RRM1: variants seen among roughly 807,000 people sequenced by gnomAD.
The protein encoded by RRM1 is ribonucleotide reductase catalytic subunit M1.
RRM1 carries 19 observed loss-of-function variants against 101.5 expected under a neutral mutation model. The observed-to-expected ratio is 0.19, with a 90% CI of 0.13 to 0.27. The LOEUF is 0.27. Ranked by LOEUF, RRM1 falls within the 10% of genes least tolerant of loss-of-function variation. RRM1 has a pLI of 1.00. For missense variants in RRM1, 500 were observed against 962.9 expected, an observed-to-expected ratio of 0.52 and a Z score of 6.36; for synonymous variants, 298 against 323.4, an observed-to-expected ratio of 0.92 and a Z score of 0.84.
intron 8 of RRM1, 34 bp downstream of exon 8, chr11:4,118,495 T>C: frequency 6.2e-7 from 1 of 1,612,550 alleles, no homozygotes; most frequent in South Asian, 1.1e-5. Context: ...TAAAGGGGGA[T>C]TCAAGTCTAA....
At chr11:4,102,151 G>A in intron 2 of RRM1, 70 bp downstream of exon 2, 1 of 813,176 alleles carries the variant, frequency 1.2e-6, no homozygotes, top group South Asian at 1.5e-5. Flanking sequence ...TCTTATCCCT[G>A]GACCTTCATT....
In RRM1 at chr11:4,118,460, G is replaced by A. The variant is rs2094577003; in HGVS notation, c.791G>A (p.Gly264Glu). Residue 264 changes from glycine to glutamate, a missense_variant and splice_region_variant, in exon 8 of 19, where the codon GGG becomes GAG. Coordinates refer to ENST00000300738, the MANE Select transcript of RRM1 (RefSeq NM_001033.5). ...CIRATGSYIA[G>E]TNGNSNGLVP... ...CGGGCTACTGGCAGCTACATTGCTG[G>A]GGTAGGTTTCTGCCATTTGACTTTT... 1 of 1,613,718 alleles carries A rather than the reference G, an allele frequency of 6.2e-7. No homozygotes were observed. The highest frequency in any genetic ancestry group is 1.3e-5 in the African/African-American group (1 of 74,880).
chr11:4,130,087 T>TATATA (rs869309117), intron 15 of RRM1, among the ~76,000 whole-genome samples: 737 of 61,516 alleles, frequency 0.012, 5 homozygotes, highest in Non-Finnish European at 0.013. Flanking sequence ...TATATATATA[T>TATATA]TTTTTTTTTT....
chr11:4,102,479 G>A (rs1311935399), intron 2 of RRM1, among the ~76,000 whole-genome samples: 1 of 152,086 alleles, frequency 6.6e-6, no homozygotes, highest in Non-Finnish European at 1.5e-5. Context: ...CCAACATGGT[G>A]AAACCCCGTC....
At chr11:4,098,240 T>G (rs1405974766) in intron 1 of RRM1, among the ~76,000 whole-genome samples, 1 of 152,196 alleles carries the variant, frequency 6.6e-6, no homozygotes, top group East Asian at 1.9e-4. Flanking sequence ...CACTCTAATC[T>G]TTCTTTTATT....
Position 4,095,084 on chromosome 11 carries a change from G to A in RRM1, c.19+53G>A, listed in dbSNP as rs1373552035. 3.9e-6 allele frequency: 6 copies of A among 1,545,142 alleles called. No individual in the cohort carries two copies. In the African/African-American group the frequency reaches 8.2e-5, roughly 21 times the overall value. On this transcript the variant is annotated intron_variant, in intron 1 of 18. Transcript: ENST00000300738. ...GGAAGGTGAGGGGATGCGGGCTGCC[G>A]CCGCCGGAGCTGATGCCCAGACCGC...
intron 1 of RRM1, among the ~76,000 whole-genome samples, chr11:4,098,579 G>T (rs1245500209): frequency 6.6e-6 from 1 of 152,150 alleles, no homozygotes; most frequent in Non-Finnish European, 1.5e-5. Flanking sequence ...GACAAATAAA[G>T]AAGTAATATG....
chr11:4,132,386 A>G lies in RRM1; in HGVS notation c.1870A>G (p.Ile624Val). Residue 624 changes from isoleucine (I) to valine (V), a missense_variant, in exon 16 of 19, where the codon ATC becomes GTC. Physicochemically the swap from Ile to Val is conservative, Grantham distance 29. Around this residue, in one of 9 missense-constraint regions of RRM1, gnomAD observed 79 missense variants for 176.4 expected, o/e 0.45. Coordinates refer to ENST00000300738, the MANE Select transcript of RRM1 (RefSeq NM_001033.5). The surrounding 1 kb of genome is among the most constrained non-coding windows in gnomAD (Gnocchi z 4.1). The part of the protein sequence containing the change: ...NESIEPYTSN[I>V]YTRRVLSGEF... Reference sequence around the variant, plus strand: ...GTCCATTGAACCTTACACCAGCAACATCTATACTCGCAGAGTCTTGTCAGG... The same window carrying G: ...GTCCATTGAACCTTACACCAGCAACGTCTATACTCGCAGAGTCTTGTCAGG... The G allele has an allele frequency of 1.2e-6, 2 of 1,614,146 alleles. No individual in the cohort carries two copies. The highest frequency in any genetic ancestry group is 1.1e-5 in the South Asian group (1 of 91,082).
At chr11:4,135,886 T>C (rs1379899657) in intron 18 of RRM1, among the ~76,000 whole-genome samples, 1 of 150,372 alleles carries the variant, frequency 6.7e-6, no homozygotes, top group African/African-American at 2.5e-5. Context: ...ATCTAGTATG[T>C]GCCAGGACTG....
At chr11:4,130,469 G>A (rs1280999436) in intron 15 of RRM1, among the ~76,000 whole-genome samples, 3 of 152,096 alleles carry the variant, frequency 2.0e-5, no homozygotes, top group African/African-American at 7.2e-5. Context: ...GCTGAGGTGG[G>A]TGGATCACTT....
chr11:4,130,426 T>C (rs965842519), intron 15 of RRM1, among the ~76,000 whole-genome samples: 2 of 152,174 alleles, frequency 1.3e-5, no homozygotes, highest in African/African-American at 4.8e-5. Flanking sequence ...CTGGGCACCA[T>C]GACTCACGTC....
chr11:4,122,110 C>T, intron 10 of RRM1, 31 bp from the exon 11 acceptor site: 1 of 1,555,498 alleles, frequency 6.4e-7, no homozygotes. Context: ...TTTGAAGTTT[C>T]TTATGAGTGA....
Position 4,138,215 on chromosome 11 carries a change from T to C in RRM1, c.2211T>C (p.Tyr737=). 1 of 1,581,904 alleles carries C rather than the reference T, an allele frequency of 6.3e-7. No individual in the cohort carries two copies. The highest frequency in any genetic ancestry group is 8.7e-7 in the Non-Finnish European group (1 of 1,154,966). Residue 737 remains tyrosine (Y), a synonymous_variant, in exon 19 of 19, where the codon TAT becomes TAC. Transcript: ENST00000300738. ...TGTAGGGTTTGAAGACTGGGATGTA[T>C]TATTTAAGGACAAGACCAGCGGCTA... The part of the protein sequence containing the change: ...GWKQGLKTGM[Y]YLRTRPAANP...
In RRM1 at chr11:4,094,897, C is replaced by A; in HGVS notation, c.-116C>A. The stretch of plus-strand genomic sequence containing the variant: ...TGTCTGGCTCCAACTCCAGTTCTTT[C>A]CCCTGAGCAGCGCCTGGAACCTAAC... On this transcript the variant is annotated 5_prime_UTR_variant, in exon 1 of 19. Transcript: ENST00000300738. 3 of 1,108,862 alleles carry A rather than the reference C, an allele frequency of 2.7e-6. No homozygotes were observed. The highest frequency in any genetic ancestry group is 4.0e-6 in the Non-Finnish European group (3 of 744,814). 68.7% of individuals were successfully genotyped at this position (1,108,862 alleles called of 1,614,324 possible). A position where few individuals can be genotyped will look rare whatever the true frequency, so the allele number is the denominator to read the frequency against.
rs180854414 is a variant in RRM1, at chr11:4,130,951, A to G, written c.1770-1335A>G. ...ATACCTCACTACAAAGTGACAGAGT[A>G]AGGTGGAGAACCACCCCCCAAAAAA... On this transcript the variant is annotated intron_variant, in intron 15 of 18. Coordinates refer to ENST00000300738, the MANE Select transcript of RRM1 (RefSeq NM_001033.5). Among the ~76,000 whole-genome samples, 1,011 of 152,322 alleles carry G rather than the reference A, an allele frequency of 6.6e-3. 5 individuals are homozygous for G. Among genetic ancestry groups the G allele is most frequent in the Middle Eastern group, 0.027 (8 of 294 alleles).
chr11:4,128,673 A>T (rs937454391), intron 14 of RRM1, among the ~76,000 whole-genome samples: 2 of 152,200 alleles, frequency 1.3e-5, no homozygotes, highest in African/African-American at 4.8e-5. Context: ...CATTTCTGAC[A>T]TTCCTGCTGA....
rs2094552160 is a variant in RRM1 at position 4,101,980 on chromosome 11, T to C, written c.20-13T>C. 1 of 1,456,458 alleles carries C rather than the reference T, an allele frequency of 6.9e-7. No individual in the cohort carries two copies. The highest frequency in any genetic ancestry group is 2.3e-5 in the East Asian group (1 of 44,058). 90.2% of individuals were successfully genotyped at this position (1,456,458 alleles called of 1,614,324 possible). On this transcript the variant is annotated splice_polypyrimidine_tract_variant and intron_variant, in intron 1 of 18. Transcript: ENST00000300738. Reference sequence around the variant, plus strand: ...ATGAATTTAATAATTGCTAACATGATTTGATTCTTTAGATGGCCGCCAAGA... The same window carrying C: ...ATGAATTTAATAATTGCTAACATGACTTGATTCTTTAGATGGCCGCCAAGA...
At position 4,106,075 on chromosome 11, in the gene RRM1, C is replaced by G. The variant is rs753746070; in HGVS notation, c.138C>G (p.Gly46=). ...AGATCACCATGAAAGTAATCCAAGG[C>G]TTGTACAGTGGGGTCACCACAGTGG... The part of the protein sequence containing the change: ...PAQITMKVIQ[G]LYSGVTTVEL... The change falls in exon 3 of 19, where the codon GGC becomes GGG. Residue 46 remains glycine (G), a synonymous_variant. Coordinates refer to ENST00000300738, the MANE Select transcript of RRM1 (RefSeq NM_001033.5). The G allele has an allele frequency of 1.2e-6, 2 of 1,613,638 alleles. No individual in the cohort carries two copies. Among genetic ancestry groups the G allele is most frequent in the South Asian group, 2.2e-5 (2 of 90,968 alleles).
Position 4,138,278 on chromosome 11 carries a change from A to T in RRM1, c.2274A>T (p.Lys758Asn). The T allele has an allele frequency of 6.2e-7, 1 of 1,611,096 alleles. No individual in the cohort carries two copies. Among genetic ancestry groups the T allele is most frequent in the South Asian group, 1.1e-5 (1 of 90,904 alleles). Residue 758 changes from lysine to asparagine, a missense_variant, in exon 19 of 19, where the codon AAA (lysine) becomes AAT (asparagine). Transcript: ENST00000300738. ...TCACTCTAAATAAGGAGAAGCTAAA[A>T]GATAAAGAAAAGGTATCAAAAGAGG... is the stretch of plus-strand genomic sequence containing the variant. ...IQFTLNKEKL[K>N]DKEKVSKEEE...
Sources: allele counts gnomAD v4.1 joint callset (sites outside exome capture counted in the v4.1 genomes callset), GRCh38; gene constraint gnomAD v4.1.1; regional missense constraint gnomAD v4.1.1; non-coding constraint Gnocchi (gnomAD v3.1); transcripts MANE v1.5; gene names NCBI Gene and HGNC (gene_info 2026-07-23, HGNC 2026-07-21).